The following KIAA2012 variants were observed in gnomAD, a reference collection of about 807,000 sequenced individuals.
The protein encoded by KIAA2012 is uncharacterized protein KIAA2012.
Under a neutral mutation model 150.6 loss-of-function variants are expected in KIAA2012, and 125 were observed. That is an observed-to-expected ratio of 0.83 (90% CI 0.72 to 0.96). The LOEUF is 0.96. KIAA2012 is among the 40% of genes least tolerant of loss of function. The pLI is 0.00. For synonymous variants in KIAA2012, 462 were observed against 504.7 expected (o/e 0.92, Z 1.13); for missense variants, 1,219 against 1,354.9 (o/e 0.90, Z 1.57).
intron 12 of KIAA2012, among the ~76,000 whole-genome samples, chr2:202,128,636 C>T (rs1159680424): frequency 6.6e-6 from 1 of 151,922 alleles, no homozygotes; most frequent in Non-Finnish European, 1.5e-5. Context: ...TAATATGCTG[C>T]TAACACATAC....
intron 15 of KIAA2012, among the ~76,000 whole-genome samples, chr2:202,170,100 A>T (rs375352555): frequency 1.3e-5 from 2 of 152,140 alleles, no homozygotes; most frequent in East Asian, 3.9e-4. Context: ...TCCTACATAA[A>T]TCTCTTCTAC....
Position 202,188,212 on chromosome 2 carries a change from GGACCCAAAAGC to G in KIAA2012, c.2440_2450del (p.Pro814GlufsTer22). Reference sequence around the variant, plus strand: ...AAAACCCAAGAAAGACAAAACCAAAGGACCCAAAAGCGAGAGAGAAGGAAAGGTCTACGGGC... The same window carrying G: ...AAAACCCAAGAAAGACAAAACCAAAGGAGAGAGAAGGAAAGGTCTACGGGC... On this transcript the variant is annotated frameshift_variant, in exon 18 of 24. Coordinates refer to ENST00000498697, the MANE Select transcript of KIAA2012 (RefSeq NM_001277372.4). LOFTEE classifies it high-confidence loss of function. 1 of 1,550,558 alleles carries G rather than the reference GGACCCAAAAGC, an allele frequency of 6.4e-7. No homozygotes were observed. Among genetic ancestry groups the G allele is most frequent in the South Asian group, 1.2e-5 (1 of 84,040 alleles).
intron 12 of KIAA2012, among the ~76,000 whole-genome samples, chr2:202,135,423 AAC>A: frequency 6.6e-6 from 1 of 152,312 alleles, no homozygotes; most frequent in Non-Finnish European, 1.5e-5. Context: ...TTGACTTGAT[AAC>A]AGTTTCTTTG....
At chr2:202,182,046 T>TTTGCA (rs1342433125) in intron 15 of KIAA2012, among the ~76,000 whole-genome samples, 1 of 152,010 alleles carries the variant, frequency 6.6e-6, no homozygotes, top group Non-Finnish European at 1.5e-5. Flanking sequence ...TATAGATTAG[T>TTTGCA]TTGCATTTTC....
At position 202,123,786 on chromosome 2, in the gene KIAA2012, T is replaced by C. The variant is rs559731686; in HGVS notation, c.1763-1428T>C. Among the ~76,000 whole-genome samples the C allele has an allele frequency of 1.6e-3, 238 of 152,312 alleles. 3 individuals are homozygous for C. In the Middle Eastern group the frequency reaches 0.034, roughly 22 times the overall value. Reference sequence around the variant, plus strand: ...CGGTTTGAATTTTCTAGGATTCCTTTTTTTCTTCTCTGTTGCTCTCTCCCC... The same window carrying C: ...CGGTTTGAATTTTCTAGGATTCCTTCTTTTCTTCTCTGTTGCTCTCTCCCC... On this transcript the variant is annotated intron_variant, in intron 11 of 23. Transcript: ENST00000498697.
chr2:202,181,399 G>C lies in KIAA2012; in HGVS notation c.2120-3354G>C, dbSNP rs13389492. 6.8e-3 allele frequency among the ~76,000 whole-genome samples: 1,040 copies of C among 152,232 alleles called. 17 individuals are homozygous for C. Among genetic ancestry groups the C allele is most frequent in the African/African-American group, 0.024 (983 of 41,530 alleles). On this transcript the variant is annotated intron_variant, in intron 15 of 23. Coordinates refer to ENST00000498697, the MANE Select transcript of KIAA2012 (RefSeq NM_001277372.4). ...GAGACCTGCCTGAGCAACATGACAA[G>C]ACCCTGTCTCTACAAAAAGAAAAAT...
intron 12 of KIAA2012, among the ~76,000 whole-genome samples, chr2:202,125,676 G>A (rs1690765584): frequency 1.3e-5 from 2 of 152,114 alleles, no homozygotes; most frequent in Admixed American, 1.3e-4. Context: ...GCTAGGAGCC[G>A]ATCTGGGAAA....
intron 18 of KIAA2012, among the ~76,000 whole-genome samples, chr2:202,188,773 T>C (rs2105745629): frequency 6.6e-6 from 1 of 152,252 alleles, no homozygotes. Flanking sequence ...AATCAGAGTA[T>C]TGGGTAGTGA....
intron 22 of KIAA2012, among the ~76,000 whole-genome samples, chr2:202,198,736 C>T (rs1347967230): frequency 5.9e-5 from 9 of 152,160 alleles, no homozygotes; most frequent in Admixed American, 3.3e-4. Context: ...GGCACAACCC[C>T]GAAAACCGTG....
intron 13 of KIAA2012, among the ~76,000 whole-genome samples, chr2:202,151,166 G>A (rs1009605476): frequency 1.3e-5 from 2 of 152,126 alleles, no homozygotes; most frequent in Non-Finnish European, 2.9e-5. Context: ...AGAGGCCAAG[G>A]CGGGTGGACC....
In KIAA2012 at chr2:202,097,587, C is replaced by CT. The variant is rs11288166; in HGVS notation, c.828+26dup. 47,463 of 1,379,946 alleles carry CT rather than the reference C, an allele frequency of 0.034. No individual in the cohort carries two copies. Among genetic ancestry groups the CT allele is most frequent in the East Asian group, 0.076 (2,846 of 37,244 alleles). 85.5% of individuals were successfully genotyped at this position (1,379,946 alleles called of 1,614,324 possible). A position where few individuals can be genotyped will look rare whatever the true frequency, so the allele number is the denominator to read the frequency against. On this transcript the variant is annotated intron_variant, in intron 5 of 23. Coordinates refer to ENST00000498697, the MANE Select transcript of KIAA2012 (RefSeq NM_001277372.4). Reference sequence around the variant, plus strand: ...TGAAACGCAGGCAGAGGTACCATTTCTTTTTTTTTTTTTTTTCCCCGAGAC... The same window carrying CT: ...TGAAACGCAGGCAGAGGTACCATTTCTTTTTTTTTTTTTTTTTCCCCGAGAC...
intron 2 of KIAA2012, among the ~76,000 whole-genome samples, chr2:202,089,415 G>A (rs1438720092): frequency 3.9e-5 from 6 of 152,200 alleles, no homozygotes; most frequent in Non-Finnish European, 1.5e-5. Context: ...CTGGTTCATG[G>A]TGCTAACTCC....
chr2:202,123,823 C>T (rs1312180162), intron 11 of KIAA2012, among the ~76,000 whole-genome samples: 1 of 152,108 alleles, frequency 6.6e-6, no homozygotes, highest in East Asian at 1.9e-4. Flanking sequence ...ATATCTCACA[C>T]CTCCCTCTCC....
intron 15 of KIAA2012, among the ~76,000 whole-genome samples, chr2:202,171,491 G>A (rs1691892109): frequency 6.6e-6 from 1 of 152,216 alleles, no homozygotes; most frequent in Admixed American, 6.5e-5. Context: ...AGGTCGTCCC[G>A]GCCTTACAAA....
At chr2:202,106,067 C>T in intron 9 of KIAA2012, 157 bp downstream of exon 9, 8 of 1,524,398 alleles carry the variant, frequency 5.2e-6, no homozygotes, top group Non-Finnish European at 6.1e-6. Context: ...GCAGCAGCTG[C>T]CTTCACCAAA....
At chr2:202,107,683 C>A (rs1395622988) in intron 9 of KIAA2012, among the ~76,000 whole-genome samples, 1 of 152,004 alleles carries the variant, frequency 6.6e-6, no homozygotes, top group East Asian at 1.9e-4. Context: ...TGCGACTGAA[C>A]CTGGGAGTAA....
chr2:202,124,400 A>G (rs1690728456), intron 11 of KIAA2012, among the ~76,000 whole-genome samples: 1 of 152,132 alleles, frequency 6.6e-6, no homozygotes. Flanking sequence ...AAAAAAATTC[A>G]TCAGGGGCTG....
chr2:202,196,727 T>G (rs1692421874), intron 21 of KIAA2012, 73 bp from the exon 22 acceptor site: 3 of 1,494,512 alleles, frequency 2.0e-6, no homozygotes, highest in South Asian at 1.4e-5. Flanking sequence ...ATCACAGATT[T>G]GAGAGTTGGA....
chr2:202,112,934 T>C (rs1690409839), intron 10 of KIAA2012, among the ~76,000 whole-genome samples: 1 of 152,162 alleles, frequency 6.6e-6, no homozygotes, highest in Non-Finnish European at 1.5e-5. Context: ...GCACAGGACA[T>C]CTGATGGAGG....
Sources: gnomAD v4.1 joint callset for allele counts (sites outside exome capture counted in the v4.1 genomes callset) on GRCh38, gnomAD v4.1.1 for gene constraint, MANE v1.5 for transcripts, NCBI Gene and HGNC (gene_info 2026-07-23, HGNC 2026-07-21) for gene names.